VAC14: variants seen among roughly 807,000 people sequenced by gnomAD.
VAC14 encodes the protein VAC14 component of PIKFYVE complex.
In VAC14, 47 loss-of-function variants were observed where a neutral mutation model predicts 85.3. That is an observed-to-expected ratio of 0.55 (90% CI 0.44 to 0.70). VAC14 has a LOEUF of 0.70. VAC14 is among the 30% of genes least tolerant of loss of function. VAC14 has a pLI of 0.00. For missense variants in VAC14, 861 were observed against 1,004.3 expected (o/e 0.86, Z 1.93); for synonymous variants, 447 against 430.5 (o/e 1.04, Z -0.47).
chr16:70,693,315 C>T (rs1270735570), intron 17 of VAC14, among the ~76,000 whole-genome samples: 1 of 152,218 alleles, frequency 6.6e-6, no homozygotes, highest in Non-Finnish European at 1.5e-5. Context: ...CTGTTTCCCG[C>T]CCCCCGCTCA....
intron 18 of VAC14, chr16:70,690,592 T>C (rs2053578732): frequency 1.7e-5 from 17 of 985,516 alleles, no homozygotes; most frequent in Non-Finnish European, 1.9e-5. Flanking sequence ...TTGATGGCAC[T>C]TGGAGCACAC....
chr16:70,692,948 C>T lies in VAC14; in HGVS notation c.2059G>A (p.Val687Met), dbSNP rs759913473. 5.6e-6 allele frequency: 9 copies of T among 1,611,048 alleles called. No individual in the cohort carries two copies. The highest frequency in any genetic ancestry group is 1.3e-5 in the African/African-American group (1 of 74,932). ...TTGATCAGGTAGGGGTTGTTCTTCA[C>T]GTCCAGCAGCTGCAGGCGCAGATCT... ...FTYLRLQLLDVKNNPYLIKAL... is the reference protein window; with the variant it reads ...FTYLRLQLLDMKNNPYLIKAL... Residue 687 changes from valine to methionine, a missense_variant, in exon 18 of 19, where the codon GTG (valine) becomes ATG (methionine). Physicochemically the swap from Val to Met is conservative, Grantham distance 21. Transcript: ENST00000261776.
At position 70,710,462 on chromosome 16, in the gene VAC14, G is replaced by A. The variant is rs112259974; in HGVS notation, c.1662-11651C>T. 4.6e-3 allele frequency among the ~76,000 whole-genome samples: 700 copies of A among 152,342 alleles called. 7 individuals carry two copies. Among genetic ancestry groups the A allele is most frequent in the African/African-American group, 0.016 (664 of 41,578 alleles). ...CAGGGGGACTTGTGAGGAATGAGGC[G>A]GGTGAGGGACAGCAGTGCTGGGACC... On this transcript the variant is annotated intron_variant, in intron 14 of 18. Transcript: ENST00000261776.
At chr16:70,753,517 C>T (rs1053560578) in intron 12 of VAC14, among the ~76,000 whole-genome samples, 2 of 152,208 alleles carry the variant, frequency 1.3e-5, no homozygotes, top group Admixed American at 1.3e-4. Context: ...GCTTGGCTGC[C>T]TCGCCTAGGG....
At chr16:70,728,183 G>A (rs547098085) in intron 14 of VAC14, among the ~76,000 whole-genome samples, 84 of 152,278 alleles carry the variant, frequency 5.5e-4, no homozygotes, top group Admixed American at 1.4e-3. Flanking sequence ...GCCCATGGCA[G>A]GTTTGAGCCC....
At chr16:70,696,744 C>G (rs2053719134) in intron 16 of VAC14, 1 of 229,368 alleles carries the variant, frequency 4.4e-6, no homozygotes, top group African/African-American at 2.2e-5. Flanking sequence ...TCCCCCACCC[C>G]CACACCAGGC....
At chr16:70,768,687 C>T (rs2143133406) in intron 10 of VAC14, 2 of 383,748 alleles carry the variant, frequency 5.2e-6, no homozygotes, top group East Asian at 9.5e-5. Context: ...AGTTAATTCT[C>T]CCTGTGTTTC....
At chr16:70,742,758 G>A (rs1156933460) in intron 13 of VAC14, among the ~76,000 whole-genome samples, 2 of 152,260 alleles carry the variant, frequency 1.3e-5, no homozygotes, top group African/African-American at 4.8e-5. Context: ...GGCCAAGGAA[G>A]TACTCTCAGG....
intron 18 of VAC14, 149 bp downstream of exon 18, chr16:70,692,672 G>GT (rs2053620698): frequency 9.9e-7 from 1 of 1,007,512 alleles, no homozygotes; most frequent in Admixed American, 2.9e-5. Context: ...AAGTGGCTGC[G>GT]GGGGGGATGG....
At chr16:70,720,090 A>C (rs908414274) in intron 14 of VAC14, among the ~76,000 whole-genome samples, 5 of 152,222 alleles carry the variant, frequency 3.3e-5, no homozygotes, top group East Asian at 1.9e-4. Context: ...TTGTGAAAAG[A>C]GCACCAGCTG....
rs192858696 is a variant in VAC14, at chr16:70,712,400, C to T, written c.1662-13589G>A. ...CCTCTGAGCAAAGACACGAGGTAAC[C>T]ACCGACAGAGAAAGGCGGGTGGACA... On this transcript the variant is annotated intron_variant, in intron 14 of 18. Coordinates refer to ENST00000261776, the MANE Select transcript of VAC14 (RefSeq NM_018052.5). 7.4e-4 allele frequency among the ~76,000 whole-genome samples: 113 copies of T among 152,296 alleles called. No homozygotes were observed. In the South Asian group the frequency reaches 0.01, roughly 14 times the overall value.
chr16:70,720,213 C>G (rs2054256658), intron 14 of VAC14, among the ~76,000 whole-genome samples: 1 of 152,142 alleles, frequency 6.6e-6, no homozygotes, highest in Admixed American at 6.5e-5. Context: ...GTGAAAGTGA[C>G]CTCTCTGGTG....
rs1727478080 is a variant in VAC14, at chr16:70,762,203, G to T, written c.1371+337C>A. Among the ~76,000 whole-genome samples, 2 of 152,114 alleles carry T rather than the reference G, an allele frequency of 1.3e-5. No individual in the cohort carries two copies. Among genetic ancestry groups the T allele is most frequent in the East Asian group, 1.9e-4 (1 of 5,186 alleles). On this transcript the variant is annotated intron_variant, in intron 12 of 18. Transcript: ENST00000261776. This position sits in a 1 kb window ranked among gnomAD's most constrained non-coding sequence, Gnocchi z 4.1. The stretch of plus-strand genomic sequence containing the variant: ...GCTCACTGCAACCTCTGCCTCCTGG[G>T]TTCAAGCAATTCTCCCACCTCAACC...
At chr16:70,695,645 GTC>G in intron 16 of VAC14, 22 bp from the exon 17 acceptor site, 1 of 1,609,484 alleles carries the variant, frequency 6.2e-7, no homozygotes, top group Non-Finnish European at 8.5e-7. Flanking sequence ...GTCAAGGAAA[GTC>G]TGTCTGCTGG....
chr16:70,783,913 C>A (rs1263397914), intron 5 of VAC14, among the ~76,000 whole-genome samples, 200 bp downstream of exon 5: 1 of 152,176 alleles, frequency 6.6e-6, no homozygotes, highest in Non-Finnish European at 1.5e-5. Context: ...TCCAGGGCAA[C>A]AAGAACCTGA....
intron 9 of VAC14, among the ~76,000 whole-genome samples, chr16:70,780,404 G>A (rs2143236125): frequency 6.6e-6 from 1 of 152,078 alleles, no homozygotes; most frequent in East Asian, 1.9e-4. Flanking sequence ...CCTGAATCCT[G>A]GTACTCCTCC....
At chr16:70,781,517 C>T (rs74024455) in intron 8 of VAC14, among the ~76,000 whole-genome samples, 5,297 of 152,190 alleles carry the variant, frequency 0.035, 288 homozygotes, top group African/African-American at 0.12. Context: ...ACTGGTGCCC[C>T]TGTGAAATGC....
Position 70,763,750 on chromosome 16 carries a change from G to A in VAC14, c.1161-725C>T, listed in dbSNP as rs2032591516. Among the ~76,000 whole-genome samples the A allele has an allele frequency of 2.6e-5, 4 of 152,200 alleles. No individual in the cohort carries two copies. In the South Asian group the frequency reaches 8.3e-4, roughly 32 times the overall value. The stretch of plus-strand genomic sequence containing the variant: ...GGTACTTTTGTTCTGGTGGGCACAG[G>A]AAGCCCCCTGGCTTCTGTGGACTGA... On this transcript the variant is annotated intron_variant, in intron 10 of 18. Transcript: ENST00000261776.
At position 70,687,786 on chromosome 16, in the gene VAC14, C is replaced by G; in HGVS notation, c.*142G>C. ...CTGAGAGGAGCTTGGGCAGACACAGCAGCCTCCGGCCCCAACACTGCCCTG... is the reference window on the plus strand; with the variant it reads ...CTGAGAGGAGCTTGGGCAGACACAGGAGCCTCCGGCCCCAACACTGCCCTG... On this transcript the variant is annotated 3_prime_UTR_variant, in exon 19 of 19. Coordinates refer to ENST00000261776, the MANE Select transcript of VAC14 (RefSeq NM_018052.5). The G allele has an allele frequency of 2.2e-6, 2 of 916,642 alleles. No homozygotes were observed. Among genetic ancestry groups the G allele is most frequent in the Non-Finnish European group, 2.9e-6 (2 of 688,026 alleles). 56.8% of individuals were successfully genotyped at this position (916,642 alleles called of 1,614,324 possible).
Sources: gnomAD v4.1 joint callset for allele counts (sites outside exome capture counted in the v4.1 genomes callset) on GRCh38, gnomAD v4.1.1 for gene constraint, Gnocchi (gnomAD v3.1) non-coding constraint, MANE v1.5 for transcripts, NCBI Gene and HGNC (gene_info 2026-07-23, HGNC 2026-07-21) for gene names.